The following RMND1 variants were observed in gnomAD, a reference collection of about 807,000 sequenced individuals.
RMND1 encodes the protein required for meiotic nuclear division protein 1 homolog.
RMND1 carries 41 observed loss-of-function variants against 54.0 expected under a neutral mutation model. The observed-to-expected ratio is 0.76, with a 90% CI of 0.59 to 0.98. The LOEUF is 0.98. Ranked by LOEUF, RMND1 falls within the 50% of genes least tolerant of loss-of-function variation. The probability of loss-of-function intolerance (pLI) is 0.00; values close to 1 mark genes in which losing one functional copy is unlikely to be tolerated. For missense variants in RMND1, 457 were observed against 532.0 expected (o/e 0.86, Z 1.39); for synonymous variants, 183 against 181.7 (o/e 1.01, Z -0.06).
At chr6:151,429,180 G>A (rs988248903) in intron 5 of RMND1, among the ~76,000 whole-genome samples, 4 of 150,974 alleles carry the variant, frequency 2.6e-5, no homozygotes, top group African/African-American at 9.8e-5. Flanking sequence ...GGAGTGCAAT[G>A]GTCTGACCTT....
intron 10 of RMND1, among the ~76,000 whole-genome samples, chr6:151,410,215 C>T (rs890645806): frequency 3.9e-5 from 6 of 152,030 alleles, no homozygotes; most frequent in African/African-American, 7.2e-5. Flanking sequence ...CCACCACGCC[C>T]AGCTAATTTT....
rs779203035 is a variant in RMND1 at position 151,436,555 on chromosome 6, C to T, written c.505-1G>A. ...CAAATGCTGTGCAGTGCATTAGGTC[C>T]TGTTCCAGGGAAATGAGCATAACAT... On this transcript the variant is annotated splice_acceptor_variant, in intron 2 of 11. Coordinates refer to ENST00000444024, the MANE Select transcript of RMND1 (RefSeq NM_017909.4). LOFTEE classifies it high-confidence loss of function. 2 of 1,613,564 alleles carry T rather than the reference C, an allele frequency of 1.2e-6. No homozygotes were observed. The highest frequency in any genetic ancestry group is 2.2e-5 in the East Asian group (1 of 44,874).
At chr6:151,407,914 C>T (rs1261151688) in intron 10 of RMND1, among the ~76,000 whole-genome samples, 1 of 151,730 alleles carries the variant, frequency 6.6e-6, no homozygotes, top group East Asian at 1.9e-4. Flanking sequence ...CCGTCACACA[C>T]ACAAAAAAAA....
At chr6:151,434,887 C>A (rs939461341) in intron 3 of RMND1, among the ~76,000 whole-genome samples, 1 of 152,200 alleles carries the variant, frequency 6.6e-6, no homozygotes, top group Non-Finnish European at 1.5e-5. Flanking sequence ...CTCGCTCTGT[C>A]ACCCAGGCTG....
chr6:151,417,189 AAC>A, intron 10 of RMND1, 88 bp downstream of exon 10: 1 of 1,379,704 alleles, frequency 7.2e-7, no homozygotes, highest in Non-Finnish European at 9.9e-7. Context: ...ATGGAAGTCA[AAC>A]AAGATATTTC....
intron 10 of RMND1, among the ~76,000 whole-genome samples, chr6:151,412,914 C>A (rs1221734733): frequency 6.6e-6 from 1 of 152,174 alleles, no homozygotes; most frequent in Non-Finnish European, 1.5e-5. Flanking sequence ...CAGTCACCCC[C>A]CCACCAGGAC....
chr6:151,423,802 T>TC lies in RMND1; in HGVS notation c.831-172dup, dbSNP rs200941815. 0.013 allele frequency among the ~76,000 whole-genome samples: 1,915 copies of TC among 152,156 alleles called. 35 individuals carry two copies. Among genetic ancestry groups the TC allele is most frequent in the African/African-American group, 0.044 (1,819 of 41,506 alleles). On this transcript the variant is annotated intron_variant, in intron 6 of 11. Coordinates refer to ENST00000444024, the MANE Select transcript of RMND1 (RefSeq NM_017909.4). ...AGGTAATTCCCTTTCTAGGAGTTTATCCTAAGGAAATAATCTAAGATGCAA... is the reference window on the plus strand; with the variant it reads ...AGGTAATTCCCTTTCTAGGAGTTTATCCCTAAGGAAATAATCTAAGATGCAA...
intron 8 of RMND1, among the ~76,000 whole-genome samples, chr6:151,421,554 T>C (rs957698911): frequency 6.6e-6 from 1 of 152,206 alleles, no homozygotes; most frequent in Admixed American, 6.5e-5. Flanking sequence ...TTTTCAATGA[T>C]ATATACATTC....
chr6:151,448,468 G>A (rs183685335), intron 1 of RMND1, among the ~76,000 whole-genome samples: 1 of 152,146 alleles, frequency 6.6e-6, no homozygotes, highest in East Asian at 1.9e-4. Flanking sequence ...TTTCTTCCCA[G>A]TCTTTCCCAT....
intron 10 of RMND1, among the ~76,000 whole-genome samples, chr6:151,410,676 T>C (rs533936909): frequency 8.5e-5 from 13 of 152,208 alleles, no homozygotes; most frequent in East Asian, 1.9e-4. Context: ...ATTACTCCAA[T>C]TGATTAATTA....
chr6:151,423,778 G>C (rs1780217914), intron 6 of RMND1, 147 bp from the exon 7 acceptor site: 1 of 626,832 alleles, frequency 1.6e-6, no homozygotes. Context: ...CTTTGGTCCA[G>C]GTAATTCCCT....
chr6:151,450,582 GGGTCAGCCCCCCGCCC>G (rs1781135516), intron 1 of RMND1, among the ~76,000 whole-genome samples: 2 of 147,650 alleles, frequency 1.4e-5, no homozygotes, highest in Admixed American at 6.7e-5. Context: ...GGAGGTGGGG[GGGTCAGCCCCCCGCCC>G]GGCCAGCCGC....
intron 10 of RMND1, among the ~76,000 whole-genome samples, chr6:151,413,265 ATT>A (rs1779910981): frequency 6.6e-6 from 1 of 151,832 alleles, no homozygotes; most frequent in Non-Finnish European, 1.5e-5. Context: ...TTTTCTTTTT[ATT>A]TTTTGAGACA....
At chr6:151,450,474 A>G (rs1781125173) in intron 1 of RMND1, among the ~76,000 whole-genome samples, 1 of 62,042 alleles carries the variant, frequency 1.6e-5, no homozygotes, top group Admixed American at 1.6e-4. Context: ...CCCGTCCGGG[A>G]GGAAGGTGGG....
At chr6:151,410,020 T>C (rs571290643) in intron 10 of RMND1, among the ~76,000 whole-genome samples, 182 of 152,062 alleles carry the variant, frequency 1.2e-3, no homozygotes, top group African/African-American at 4.2e-3. Flanking sequence ...CTTCTACTTT[T>C]TGAGGGGGAA....
At chr6:151,415,380 TATACGTAAG>T (rs1477785664) in intron 10 of RMND1, among the ~76,000 whole-genome samples, 1 of 152,094 alleles carries the variant, frequency 6.6e-6, no homozygotes, top group Non-Finnish European at 1.5e-5. Flanking sequence ...TAATAAGTTA[TATACGTAAG>T]ATGTAATAAC....
intron 1 of RMND1, among the ~76,000 whole-genome samples, chr6:151,450,566 C>G (rs1471349204): frequency 1.4e-5 from 2 of 147,138 alleles, no homozygotes; most frequent in African/African-American, 2.5e-5. Context: ...CCGCCCCGTC[C>G]GGGAGGGAGG....
chr6:151,423,997 G>A (rs961724591), intron 6 of RMND1, among the ~76,000 whole-genome samples: 2 of 151,878 alleles, frequency 1.3e-5, no homozygotes, highest in African/African-American at 2.4e-5. Flanking sequence ...ACAGGCATGC[G>A]TAACCACACC....
At chr6:151,405,298 A>G in intron 11 of RMND1, 31 bp from the exon 12 acceptor site, 1 of 1,601,802 alleles carries the variant, frequency 6.2e-7, no homozygotes, top group South Asian at 1.1e-5. Context: ...TTATTTCATG[A>G]CGGGCAAATT....
Sources: allele counts gnomAD v4.1 joint callset (sites outside exome capture counted in the v4.1 genomes callset), GRCh38; gene constraint gnomAD v4.1.1; transcripts MANE v1.5; gene names NCBI Gene and HGNC (gene_info 2026-07-23, HGNC 2026-07-21).